The following SLC9A9 variants were observed in gnomAD, a reference collection of about 807,000 sequenced individuals.
SLC9A9 encodes solute carrier family 9 member A9.
A neutral mutation model predicts 77.8 loss-of-function variants in SLC9A9; 62 were observed. That is an observed-to-expected ratio of 0.80 (90% CI 0.65 to 0.98). The LOEUF (loss-of-function observed/expected upper bound fraction) is 0.98, where lower values mean the gene tolerates loss of function less well. Among genes scored for constraint, SLC9A9 ranks in the 50% least tolerant of loss-of-function variants. SLC9A9 has a pLI of 0.00. For synonymous variants in SLC9A9, 320 were observed against 283.5 expected (o/e 1.13, Z -1.29); for missense variants, 775 against 774.9 (o/e 1.00, Z 0.00).
At chr3:143,842,109 G>A (rs1047404812) in intron 1 of SLC9A9, among the ~76,000 whole-genome samples, 1 of 151,912 alleles carries the variant, frequency 6.6e-6, no homozygotes, top group Admixed American at 6.5e-5. Context: ...GGCCGGGCGC[G>A]GTGGCTCACG....
chr3:143,581,704 GAC>G (rs761772905), intron 6 of SLC9A9, among the ~76,000 whole-genome samples: 16 of 152,208 alleles, frequency 1.1e-4, no homozygotes, highest in Non-Finnish European at 2.2e-4. Context: ...ATAGTTGAGT[GAC>G]AGTGTGATGC....
At chr3:143,667,604 G>A (rs1300354601) in intron 5 of SLC9A9, among the ~76,000 whole-genome samples, 2 of 152,056 alleles carry the variant, frequency 1.3e-5, no homozygotes, top group African/African-American at 4.8e-5. Context: ...CTAATATCCA[G>A]AATCTACAAA....
chr3:143,566,479 T>C (rs1187047477), intron 8 of SLC9A9, among the ~76,000 whole-genome samples: 1 of 152,152 alleles, frequency 6.6e-6, no homozygotes, highest in African/African-American at 2.4e-5. Context: ...TTCATTTTTT[T>C]TAAGATTCAT....
chr3:143,668,605 G>A (rs2039110016), intron 5 of SLC9A9, among the ~76,000 whole-genome samples: 1 of 152,092 alleles, frequency 6.6e-6, no homozygotes, highest in Non-Finnish European at 1.5e-5. Context: ...GATTATCACT[G>A]GTATTAGTTT....
intron 12 of SLC9A9, among the ~76,000 whole-genome samples, chr3:143,443,652 C>T (rs188888129): frequency 7.2e-5 from 11 of 152,232 alleles, no homozygotes; most frequent in Admixed American, 7.2e-4. Flanking sequence ...TAAGGTCCAA[C>T]ACAAAGCATA....
At chr3:143,328,351 G>A (rs1576427680) in intron 14 of SLC9A9, among the ~76,000 whole-genome samples, 1 of 152,328 alleles carries the variant, frequency 6.6e-6, no homozygotes, top group East Asian at 1.9e-4. Context: ...AAATATGAAA[G>A]TTTATAATCC....
chr3:143,700,968 A>G (rs1933782565), intron 4 of SLC9A9, among the ~76,000 whole-genome samples: 1 of 152,226 alleles, frequency 6.6e-6, no homozygotes, highest in South Asian at 2.1e-4. Flanking sequence ...GCAAGGCTCC[A>G]TTTGTTTGGG....
intron 8 of SLC9A9, among the ~76,000 whole-genome samples, chr3:143,560,647 A>G (rs372450397): frequency 6.6e-6 from 1 of 152,000 alleles, no homozygotes; most frequent in Admixed American, 6.6e-5. Context: ...TCATCCCAAC[A>G]ATATTGGAAT....
intron 6 of SLC9A9, among the ~76,000 whole-genome samples, chr3:143,628,069 G>A (rs2038361278): frequency 1.3e-5 from 2 of 152,244 alleles, no homozygotes; most frequent in South Asian, 2.1e-4. Flanking sequence ...AACACCATTA[G>A]GAAAATACGG....
At chr3:143,433,719 A>C (rs1407621443) in intron 12 of SLC9A9, among the ~76,000 whole-genome samples, 1 of 152,220 alleles carries the variant, frequency 6.6e-6, no homozygotes, top group Non-Finnish European at 1.5e-5. Context: ...TCGTGTTTCT[A>C]TCTTGTCCTA....
At chr3:143,622,135 C>T (rs1206348028) in intron 6 of SLC9A9, among the ~76,000 whole-genome samples, 2 of 152,344 alleles carry the variant, frequency 1.3e-5, no homozygotes, top group Middle Eastern at 3.4e-3. Context: ...AAATCTACGT[C>T]TGACTGGTGT....
intron 6 of SLC9A9, among the ~76,000 whole-genome samples, chr3:143,586,496 A>G (rs1409714967): frequency 5.9e-5 from 9 of 152,250 alleles, no homozygotes; most frequent in African/African-American, 2.2e-4. Flanking sequence ...TGTCACAGGT[A>G]GGAAGCAAGT....
intron 5 of SLC9A9, among the ~76,000 whole-genome samples, chr3:143,654,178 T>TA (rs1204106928): frequency 6.6e-6 from 1 of 152,206 alleles, no homozygotes; most frequent in Non-Finnish European, 1.5e-5. Flanking sequence ...GTAATACATA[T>TA]ATTAATAAGC....
chr3:143,515,920 G>A (rs1466516003), intron 9 of SLC9A9, among the ~76,000 whole-genome samples: 2 of 152,072 alleles, frequency 1.3e-5, no homozygotes, highest in African/African-American at 4.8e-5. Flanking sequence ...TTTCTCTTTT[G>A]TCTTTTCTCT....
rs558730826 is a variant in SLC9A9, at chr3:143,450,916, T to G, written c.1469+16121A>C. Among the ~76,000 whole-genome samples the G allele has an allele frequency of 2.6e-5, 4 of 152,146 alleles. No individual in the cohort carries two copies. In the South Asian group the frequency reaches 6.2e-4, roughly 24 times the overall value. ...TGAGCTCTCTCAACAAAGAGAATGG[T>G]TTACCTTAGGGGGACTCATGTGTGG... On this transcript the variant is annotated intron_variant, in intron 12 of 15. Coordinates refer to ENST00000316549, the MANE Select transcript of SLC9A9 (RefSeq NM_173653.4).
intron 12 of SLC9A9, among the ~76,000 whole-genome samples, chr3:143,391,318 G>A (rs1038935722): frequency 5.3e-5 from 8 of 152,356 alleles, no homozygotes; most frequent in East Asian, 1.9e-4. Flanking sequence ...TGCAGCCTCC[G>A]CTGCTGATAC....
chr3:143,569,382 C>T, intron 8 of SLC9A9, among the ~76,000 whole-genome samples: 1 of 151,800 alleles, frequency 6.6e-6, no homozygotes, highest in Non-Finnish European at 1.5e-5. Context: ...TGTGCACATA[C>T]ATAGACATTT....
chr3:143,494,407 C>T (rs1480310945), intron 10 of SLC9A9, among the ~76,000 whole-genome samples: 1 of 152,118 alleles, frequency 6.6e-6, no homozygotes, highest in African/African-American at 2.4e-5. Flanking sequence ...CTAGTTTGTC[C>T]TCAATGGGAC....
chr3:143,357,417 T>C (rs1257812825), intron 14 of SLC9A9, among the ~76,000 whole-genome samples: 1 of 152,142 alleles, frequency 6.6e-6, no homozygotes, highest in Non-Finnish European at 1.5e-5. Flanking sequence ...ATCAATAAAG[T>C]ATCCATTGAA....
Sources: allele counts gnomAD v4.1 joint callset (sites outside exome capture counted in the v4.1 genomes callset), GRCh38; gene constraint gnomAD v4.1.1; transcripts MANE v1.5; gene names NCBI Gene and HGNC (gene_info 2026-07-23, HGNC 2026-07-21).